The following UNC5C variants were observed in gnomAD, a reference collection of about 807,000 sequenced individuals.
UNC5C encodes the protein unc-5 netrin receptor C, also known as netrin receptor UNC5C.
A neutral mutation model predicts 99.8 loss-of-function variants in UNC5C; 47 were observed. That is an observed-to-expected ratio of 0.47 (90% CI 0.37 to 0.60). The LOEUF is 0.60. Among genes scored for constraint, UNC5C ranks in the 20% least tolerant of loss-of-function variants. UNC5C has a pLI of 0.00. For missense variants in UNC5C, 1,062 were observed against 1,165.9 expected (o/e 0.91, Z 1.30); for synonymous variants, 487 against 452.2 (o/e 1.08, Z -0.98).
intron 2 of UNC5C, among the ~76,000 whole-genome samples, chr4:95,303,194 G>A (rs569525975): frequency 2.3e-4 from 35 of 152,278 alleles, no homozygotes; most frequent in Admixed American, 7.9e-4. Context: ...CTGAAAGTGT[G>A]GCCCCCAGAG....
At chr4:95,512,899 G>A (rs115417429) in intron 1 of UNC5C, among the ~76,000 whole-genome samples, 1 of 152,234 alleles carries the variant, frequency 6.6e-6, no homozygotes, top group African/African-American at 2.4e-5. Context: ...ATCCAGTAAT[G>A]TAGTAAATAT....
chr4:95,361,922 T>C (rs990222114), intron 1 of UNC5C, among the ~76,000 whole-genome samples: 2 of 152,082 alleles, frequency 1.3e-5, no homozygotes, highest in African/African-American at 4.8e-5. Flanking sequence ...CAGAGCACCA[T>C]GCTACGTGAC....
At chr4:95,522,038 A>C (rs2149490587) in intron 1 of UNC5C, among the ~76,000 whole-genome samples, 1 of 152,202 alleles carries the variant, frequency 6.6e-6, no homozygotes, top group South Asian at 2.1e-4. Flanking sequence ...CCACTAATTT[A>C]TTTCTAGTTT....
At chr4:95,327,705 G>C (rs1435767725) in intron 2 of UNC5C, among the ~76,000 whole-genome samples, 5 of 152,088 alleles carry the variant, frequency 3.3e-5, no homozygotes, top group Non-Finnish European at 2.9e-5. Context: ...ACTTCTGACT[G>C]CATGACTTTG....
chr4:95,283,090 GAAGT>G (rs1260339395), intron 3 of UNC5C, among the ~76,000 whole-genome samples: 1 of 152,190 alleles, frequency 6.6e-6, no homozygotes, highest in African/African-American at 2.4e-5. Context: ...TAAGGTGACA[GAAGT>G]TAGTAGCACC....
intron 1 of UNC5C, among the ~76,000 whole-genome samples, chr4:95,507,442 A>G (rs1404310899): frequency 6.6e-6 from 1 of 152,026 alleles, no homozygotes; most frequent in Non-Finnish European, 1.5e-5. Flanking sequence ...CCTTTTTTAC[A>G]GTGTTGCATG....
chr4:95,191,119 CAGAG>C (rs756837861), intron 12 of UNC5C, among the ~76,000 whole-genome samples: 1 of 152,138 alleles, frequency 6.6e-6, no homozygotes, highest in Non-Finnish European at 1.5e-5. Context: ...TAAGGCTTGA[CAGAG>C]AGGCAGGAGG....
chr4:95,548,700 G>C, intron 1 of UNC5C, 34 bp downstream of exon 1: 1 of 1,609,224 alleles, frequency 6.2e-7, no homozygotes, highest in Non-Finnish European at 8.5e-7. Flanking sequence ...AGAAGCTAAG[G>C]GAGGTGGCCG....
chr4:95,357,368 G>A (rs565489649), intron 1 of UNC5C, among the ~76,000 whole-genome samples: 4 of 151,842 alleles, frequency 2.6e-5, no homozygotes, highest in Admixed American at 6.6e-5. Flanking sequence ...TCTCAAACTC[G>A]GCCTCAAGCC....
At chr4:95,330,993 T>C (rs866451313) in intron 2 of UNC5C, among the ~76,000 whole-genome samples, 3 of 152,202 alleles carry the variant, frequency 2.0e-5, no homozygotes, top group African/African-American at 7.2e-5. Context: ...TGAGTCTCTG[T>C]TGTCTATCAT....
At chr4:95,519,609 A>AATT (rs1722300964) in intron 1 of UNC5C, among the ~76,000 whole-genome samples, 1 of 152,170 alleles carries the variant, frequency 6.6e-6, no homozygotes, top group African/African-American at 2.4e-5. Context: ...CATTGGACTA[A>AATT]AGTAAATTCA....
chr4:95,341,501 AAG>A (rs746827975), intron 1 of UNC5C, among the ~76,000 whole-genome samples: 2 of 104,766 alleles, frequency 1.9e-5, no homozygotes, highest in Admixed American at 1.2e-4. Flanking sequence ...AGAAAGAAGA[AAG>A]AGAGAGAAAG....
At chr4:95,324,405 T>C (rs1195529115) in intron 2 of UNC5C, among the ~76,000 whole-genome samples, 3 of 152,150 alleles carry the variant, frequency 2.0e-5, no homozygotes, top group Admixed American at 6.5e-5. Context: ...TACATTATGG[T>C]GAGCTGTATA....
intron 6 of UNC5C, 118 bp from the exon 7 acceptor site, chr4:95,242,711 G>T: frequency 2.6e-6 from 3 of 1,161,114 alleles, no homozygotes; most frequent in South Asian, 1.7e-5. Flanking sequence ...CTACTGAGAA[G>T]CACTGTATTC....
chr4:95,179,522 G>A (rs1037159367), intron 14 of UNC5C, among the ~76,000 whole-genome samples: 1 of 152,244 alleles, frequency 6.6e-6, no homozygotes, highest in African/African-American at 2.4e-5. Flanking sequence ...TGAGGTGGGT[G>A]GATGACCTGA....
chr4:95,285,645 G>A (rs1369681278), intron 3 of UNC5C, among the ~76,000 whole-genome samples: 2 of 152,066 alleles, frequency 1.3e-5, no homozygotes, highest in East Asian at 3.9e-4. Flanking sequence ...GTTTATTGCT[G>A]TTTTTCAAAC....
chr4:95,510,558 C>T (rs918155303), intron 1 of UNC5C, among the ~76,000 whole-genome samples: 4 of 151,616 alleles, frequency 2.6e-5, no homozygotes, highest in Admixed American at 2.0e-4. Flanking sequence ...TACACATAGG[C>T]ATATAGATTT....
chr4:95,182,591 C>T (rs1736656283), intron 14 of UNC5C, among the ~76,000 whole-genome samples: 1 of 152,070 alleles, frequency 6.6e-6, no homozygotes, highest in African/African-American at 2.4e-5. Context: ...CATGTGCACG[C>T]TCCTTAAATT....
At chr4:95,349,193 A>G (rs1208694195) in intron 1 of UNC5C, among the ~76,000 whole-genome samples, 1 of 151,218 alleles carries the variant, frequency 6.6e-6, no homozygotes, top group East Asian at 2.0e-4. Context: ...ACCTTGATGT[A>G]ATTATTTTGC....
Sources: allele counts gnomAD v4.1 joint callset (sites outside exome capture counted in the v4.1 genomes callset), GRCh38; gene constraint gnomAD v4.1.1; transcripts MANE v1.5; gene names NCBI Gene and HGNC (gene_info 2026-07-23, HGNC 2026-07-21).